Variants in TTC17 observed in about 807,000 individuals in gnomAD.
TTC17 encodes the protein tetratricopeptide repeat protein 17.
In TTC17, 58 loss-of-function variants were observed where a neutral mutation model predicts 143.8. That is an observed-to-expected ratio of 0.40 (90% CI 0.33 to 0.50). The LOEUF (loss-of-function observed/expected upper bound fraction) is 0.50, where lower values mean the gene tolerates loss of function less well. TTC17 is among the 20% of genes least tolerant of loss of function. TTC17 has a pLI of 0.49. For synonymous variants in TTC17, 501 were observed against 497.8 expected, an observed-to-expected ratio of 1.01 and a Z score of -0.09; for missense variants, 1,273 against 1,392.5, an observed-to-expected ratio of 0.91 and a Z score of 1.37.
intron 21 of TTC17, among the ~76,000 whole-genome samples, chr11:43,465,085 A>G (rs1365669108): frequency 1.3e-5 from 2 of 152,234 alleles, no homozygotes; most frequent in Non-Finnish European, 2.9e-5. Context: ...GCCTTTTAAG[A>G]AGGGACAAAA....
chr11:43,432,849 G>A (rs1017110602), intron 16 of TTC17, among the ~76,000 whole-genome samples: 1 of 152,164 alleles, frequency 6.6e-6, no homozygotes, highest in African/African-American at 2.4e-5. Context: ...GAAATTTTAA[G>A]TTCTTCTGAA....
chr11:43,403,268 T>C (rs1179319868), intron 10 of TTC17, among the ~76,000 whole-genome samples: 3 of 152,162 alleles, frequency 2.0e-5, no homozygotes, highest in Admixed American at 2.0e-4. Context: ...TTCATAAAAT[T>C]GTATCACCAC....
Position 43,443,520 on chromosome 11 carries a change from A to G in TTC17, c.2447A>G (p.Asp816Gly). ...CGGGTGCTGAAGAAAGGTCCCCAGG[A>G]TGGAGTGGCCAGAAGCTCTTGCTAT... ...GIRVLKKGPQ[D>G]GVARSSCYGD... is the part of the protein sequence containing the mutation. Residue 816 changes from aspartate to glycine, a missense_variant, in exon 17 of 24, where the codon GAT (aspartate) becomes GGT (glycine). Asp to Gly is a moderately conservative substitution (Grantham distance 94). Around this residue, in one of 3 missense-constraint regions of TTC17, gnomAD observed 878 missense variants for 899.8 expected, o/e 0.98. Coordinates refer to ENST00000039989, the MANE Select transcript of TTC17 (RefSeq NM_018259.6). The G allele has an allele frequency of 1.2e-6, 2 of 1,614,172 alleles. No individual in the cohort carries two copies. The highest frequency in any genetic ancestry group is 8.5e-7 in the Non-Finnish European group (1 of 1,180,012).
chr11:43,403,099 C>A (rs539996792), intron 10 of TTC17, among the ~76,000 whole-genome samples: 1 of 152,180 alleles, frequency 6.6e-6, no homozygotes, highest in South Asian at 2.1e-4. Context: ...CAGATTCACA[C>A]CCTCTGGGAT....
At chr11:43,413,566 A>G (rs766127153) in intron 15 of TTC17, among the ~76,000 whole-genome samples, 1 of 152,142 alleles carries the variant, frequency 6.6e-6, no homozygotes, top group Non-Finnish European at 1.5e-5. Context: ...GATTTTTGCA[A>G]TAAATATTTT....
intron 2 of TTC17, among the ~76,000 whole-genome samples, chr11:43,381,685 G>A (rs971993072): frequency 5.3e-5 from 8 of 152,200 alleles, no homozygotes; most frequent in African/African-American, 1.2e-4. Flanking sequence ...ATAGGAACTC[G>A]AAACCAAAAT....
At chr11:43,456,500 AG>A (rs1947766638) in intron 21 of TTC17, among the ~76,000 whole-genome samples, 1 of 152,250 alleles carries the variant, frequency 6.6e-6, no homozygotes, top group Non-Finnish European at 1.5e-5. Flanking sequence ...AGGATGTAGT[AG>A]GTCAAGGCAG....
intron 16 of TTC17, among the ~76,000 whole-genome samples, chr11:43,425,337 T>G (rs1037871831): frequency 1.3e-5 from 2 of 152,170 alleles, no homozygotes; most frequent in Admixed American, 6.5e-5. Flanking sequence ...AAAAAATTTT[T>G]TTTTAATTAT....
chr11:43,447,731 A>T (rs1194792304), intron 18 of TTC17: 1 of 319,886 alleles, frequency 3.1e-6, no homozygotes, highest in Non-Finnish European at 5.7e-6. Context: ...AGAATGCCTT[A>T]ACCCCTTATT....
intron 21 of TTC17, among the ~76,000 whole-genome samples, chr11:43,489,209 C>T (rs1948429798): frequency 1.3e-5 from 2 of 152,124 alleles, no homozygotes; most frequent in African/African-American, 2.4e-5. Flanking sequence ...ACAGACAAGA[C>T]AAAAACCTCA....
At chr11:43,459,476 ACTT>A (rs1947824485) in intron 21 of TTC17, among the ~76,000 whole-genome samples, 2 of 152,180 alleles carry the variant, frequency 1.3e-5, no homozygotes, top group South Asian at 4.1e-4. Context: ...CACTGGCACA[ACTT>A]CTTTAAAAAG....
At chr11:43,369,896 T>C (rs1856496888) in intron 1 of TTC17, among the ~76,000 whole-genome samples, 1 of 152,156 alleles carries the variant, frequency 6.6e-6, no homozygotes, top group Admixed American at 6.5e-5. Flanking sequence ...GATTATAGGC[T>C]TGAGCCACTG....
intron 16 of TTC17, among the ~76,000 whole-genome samples, chr11:43,425,215 A>G (rs1946997630): frequency 6.6e-6 from 1 of 152,162 alleles, no homozygotes; most frequent in South Asian, 2.1e-4. Flanking sequence ...GCTACTTAGA[A>G]AGCTGAGGTG....
chr11:43,436,279 C>T, intron 16 of TTC17: 1 of 1,378,922 alleles, frequency 7.3e-7, no homozygotes, highest in Middle Eastern at 1.9e-4. Flanking sequence ...CAGAGGAGGA[C>T]CCTGTATTCT....
At chr11:43,360,256 G>T (rs1362698454) in intron 1 of TTC17, among the ~76,000 whole-genome samples, 1 of 152,214 alleles carries the variant, frequency 6.6e-6, no homozygotes, top group African/African-American at 2.4e-5. Flanking sequence ...GTATTCATGA[G>T]TGGTTTTCAG....
chr11:43,418,476 A>G (rs1318535712), intron 16 of TTC17, among the ~76,000 whole-genome samples: 2 of 152,164 alleles, frequency 1.3e-5, no homozygotes, highest in Non-Finnish European at 2.9e-5. Flanking sequence ...TTCCACATTT[A>G]TAGGCTTGTC....
chr11:43,485,358 A>G (rs1319572293), intron 21 of TTC17, among the ~76,000 whole-genome samples: 2 of 152,220 alleles, frequency 1.3e-5, no homozygotes, highest in East Asian at 1.9e-4. Context: ...TCAATTCCAC[A>G]TGAATTAAGG....
intron 16 of TTC17, among the ~76,000 whole-genome samples, chr11:43,416,114 T>G (rs1946772656): frequency 6.6e-6 from 1 of 152,176 alleles, no homozygotes; most frequent in Non-Finnish European, 1.5e-5. Flanking sequence ...ACTTTAAAGG[T>G]GCAAATTGTG....
intron 10 of TTC17, 34 bp from the exon 11 acceptor site, chr11:43,403,964 T>G: frequency 6.4e-7 from 1 of 1,552,446 alleles, no homozygotes. Flanking sequence ...TTTTCCACTT[T>G]CAATTTGATT....
Sources: allele counts gnomAD v4.1 joint callset (sites outside exome capture counted in the v4.1 genomes callset), GRCh38; gene constraint gnomAD v4.1.1; regional missense constraint gnomAD v4.1.1; transcripts MANE v1.5; gene names NCBI Gene and HGNC (gene_info 2026-07-23, HGNC 2026-07-21).